FAT3: variants seen among roughly 807,000 people sequenced by gnomAD.
FAT3 encodes FAT atypical cadherin 3, also known as protocadherin Fat 3.
FAT3 carries 95 observed loss-of-function variants against 310.2 expected under a neutral mutation model. The ratio of observed to expected loss-of-function variants is 0.31; its 90% CI spans 0.26 to 0.36. The LOEUF (loss-of-function observed/expected upper bound fraction) is 0.36. Among genes scored for constraint, FAT3 ranks in the 10% least tolerant of loss-of-function variants. The probability of loss-of-function intolerance (pLI) is 1.00; values close to 1 mark genes in which losing one functional copy is unlikely to be tolerated. For missense variants in FAT3, 5,408 were observed against 5,715.6 expected, an observed-to-expected ratio of 0.95 and a Z score of 1.74; for synonymous variants, 2,314 against 2,192.9, an observed-to-expected ratio of 1.06 and a Z score of -1.54.
intron 3 of FAT3, among the ~76,000 whole-genome samples, chr11:92,685,821 G>A (rs1943620217): frequency 6.6e-6 from 1 of 152,086 alleles, no homozygotes; most frequent in African/African-American, 2.4e-5. Flanking sequence ...ATACAAAATG[G>A]TATAAAGGAA....
At chr11:92,764,531 G>C (rs1248398021) in intron 5 of FAT3, among the ~76,000 whole-genome samples, 1 of 152,144 alleles carries the variant, frequency 6.6e-6, no homozygotes, top group Non-Finnish European at 1.5e-5. Flanking sequence ...GTGAGGCTTA[G>C]GATCATGCTC....
At chr11:92,288,340 G>A (rs1386355864) in intron 1 of FAT3, among the ~76,000 whole-genome samples, 1 of 152,120 alleles carries the variant, frequency 6.6e-6, no homozygotes, top group East Asian at 1.9e-4. Context: ...TTTTAGTTGA[G>A]CAAGATGAGT....
chr11:92,624,689 A>G (rs988063212), intron 3 of FAT3, among the ~76,000 whole-genome samples: 3 of 152,076 alleles, frequency 2.0e-5, no homozygotes, highest in Admixed American at 1.3e-4. Context: ...GGATTTAGAG[A>G]GAGAGGAAAT....
At chr11:92,838,431 G>C (rs1948459133) in intron 17 of FAT3, among the ~76,000 whole-genome samples, 1 of 152,188 alleles carries the variant, frequency 6.6e-6, no homozygotes, top group African/African-American at 2.4e-5. Flanking sequence ...CTATAAGAGA[G>C]AGTGACTCTT....
chr11:92,562,972 C>G (rs947592248), intron 3 of FAT3, among the ~76,000 whole-genome samples: 5 of 152,126 alleles, frequency 3.3e-5, no homozygotes, highest in African/African-American at 7.2e-5. Context: ...ATCTGGGCAC[C>G]CTTTAGCCCA....
chr11:92,798,114 CT>C lies in FAT3; in HGVS notation c.5102del (p.Leu1701ProfsTer16), dbSNP rs1459599122. On this transcript the variant is annotated frameshift_variant, in exon 10 of 28. Transcript: ENST00000525166. LOFTEE classifies it high-confidence loss of function. ...AATCTCTGCCATCAGTCAATCTACC[CT>C]CATTTATGAAGTCAAAGATGGAGAC... The part of the protein sequence containing the change: ...ILISAISQST[L>X]IYEVKDGDIN... The C allele has an allele frequency of 6.2e-7, 1 of 1,613,912 alleles. No individual in the cohort carries two copies. Among genetic ancestry groups the C allele is most frequent in the Admixed American group, 1.7e-5 (1 of 60,014 alleles).
chr11:92,721,395 C>A (rs1944854715), intron 4 of FAT3, among the ~76,000 whole-genome samples: 1 of 152,130 alleles, frequency 6.6e-6, no homozygotes, highest in African/African-American at 2.4e-5. Context: ...ACACATTAAA[C>A]AGGTGAACTT....
intron 3 of FAT3, among the ~76,000 whole-genome samples, chr11:92,609,187 A>T (rs1940447041): frequency 6.6e-6 from 1 of 152,222 alleles, no homozygotes; most frequent in Admixed American, 6.5e-5. Flanking sequence ...TTCAGTTGTC[A>T]GAACTCTAGT....
intron 1 of FAT3, among the ~76,000 whole-genome samples, chr11:92,233,468 A>G (rs76616168): frequency 0.036 from 5,418 of 152,290 alleles, 119 homozygotes; most frequent in Non-Finnish European, 0.052. Flanking sequence ...GAGTGCTACT[A>G]TTATCTTGGA....
At chr11:92,412,637 A>G (rs1023826327) in intron 2 of FAT3, among the ~76,000 whole-genome samples, 1 of 140,450 alleles carries the variant, frequency 7.1e-6, no homozygotes, top group East Asian at 2.1e-4. Context: ...GCAAAATTCA[A>G]AATCTGTAAT....
At chr11:92,274,796 C>T (rs1298676127) in intron 1 of FAT3, among the ~76,000 whole-genome samples, 1 of 152,042 alleles carries the variant, frequency 6.6e-6, no homozygotes, top group Non-Finnish European at 1.5e-5. Flanking sequence ...ACACTGAACT[C>T]TTGACCTTCT....
At chr11:92,724,842 C>T (rs1286278079) in intron 4 of FAT3, among the ~76,000 whole-genome samples, 1 of 152,154 alleles carries the variant, frequency 6.6e-6, no homozygotes, top group Non-Finnish European at 1.5e-5. Flanking sequence ...GGTCCAAAGC[C>T]AGAGGAGCAG....
At chr11:92,239,142 A>G (rs1190626879) in intron 1 of FAT3, among the ~76,000 whole-genome samples, 1 of 152,092 alleles carries the variant, frequency 6.6e-6, no homozygotes, top group African/African-American at 2.4e-5. Flanking sequence ...TGCCCAAGGT[A>G]ACATTGTTCA....
chr11:92,800,197 A>G lies in FAT3; in HGVS notation c.7184A>G (p.Asn2395Ser), dbSNP rs1269687098. 6.2e-7 allele frequency: 1 copy of G among 1,613,982 alleles called. No homozygotes were observed. Among genetic ancestry groups the G allele is most frequent in the Non-Finnish European group, 8.5e-7 (1 of 1,179,866 alleles). Reference protein sequence around the residue: ...SDVNDNPPVFNQLIYESYVSE... With the variant: ...SDVNDNPPVFSQLIYESYVSE... Reference sequence around the variant, plus strand: ...GTAAATGACAACCCTCCAGTTTTTAATCAGCTCATTTATGAGTCATATGTG... The same window carrying G: ...GTAAATGACAACCCTCCAGTTTTTAGTCAGCTCATTTATGAGTCATATGTG... Residue 2395 changes from asparagine to serine, a missense_variant, in exon 10 of 28, where the codon AAT (asparagine) becomes AGT (serine). Coordinates refer to ENST00000525166, the MANE Select transcript of FAT3 (RefSeq NM_001367949.2).
intron 2 of FAT3, among the ~76,000 whole-genome samples, chr11:92,420,798 C>A (rs1303408032): frequency 2.0e-5 from 3 of 152,138 alleles, no homozygotes; most frequent in African/African-American, 7.2e-5. Context: ...ACACTTGATT[C>A]CCAATTATAC....
At chr11:92,329,805 A>C (rs1240931092) in intron 1 of FAT3, among the ~76,000 whole-genome samples, 1 of 2,326 alleles carries the variant, frequency 4.3e-4, no homozygotes, top group African/African-American at 2.1e-3. Context: ...AGCTTTTTCC[A>C]AACCTTTGGG....
rs1377338183 is a variant in FAT3, at chr11:92,801,392, C to A, written c.8379C>A (p.Asp2793Glu). Residue 2793 changes from aspartate (D) to glutamate (E), a missense_variant, in exon 10 of 28, where the codon GAC (aspartate) becomes GAA (glutamate). Coordinates refer to ENST00000525166, the MANE Select transcript of FAT3 (RefSeq NM_001367949.2). ...VAATIPLDKVDIVFTVDVDIK... is the reference protein window; with the variant it reads ...VAATIPLDKVEIVFTVDVDIK... ...CCACTATACCCCTGGACAAAGTAGA[C>A]ATTGTGTTTACTGTGGATGTAGATA... The A allele has an allele frequency of 6.2e-6, 10 of 1,613,772 alleles. No homozygotes were observed. The highest frequency in any genetic ancestry group is 8.5e-6 in the Non-Finnish European group (10 of 1,179,852).
intron 3 of FAT3, among the ~76,000 whole-genome samples, chr11:92,659,289 T>G (rs1315646733): frequency 6.6e-5 from 10 of 152,202 alleles, no homozygotes; most frequent in Non-Finnish European, 5.9e-5. Context: ...TTGTTATTTC[T>G]GTTATTCATT....
intron 2 of FAT3, among the ~76,000 whole-genome samples, chr11:92,515,678 G>T (rs1353194776): frequency 6.6e-6 from 1 of 151,996 alleles, no homozygotes; most frequent in Non-Finnish European, 1.5e-5. Context: ...CTGTCAAATG[G>T]GGATAAATAC....
Sources: allele counts gnomAD v4.1 joint callset (sites outside exome capture counted in the v4.1 genomes callset), GRCh38; gene constraint gnomAD v4.1.1; transcripts MANE v1.5; gene names NCBI Gene and HGNC (gene_info 2026-07-23, HGNC 2026-07-21).